Variants in KIF13A observed in about 807,000 individuals in gnomAD.
KIF13A encodes the protein kinesin family member 13A, also known as kinesin-like protein KIF13A.
A neutral mutation model predicts 212.2 loss-of-function variants in KIF13A; 79 were observed. The observed-to-expected ratio is 0.37, with a 90% CI of 0.31 to 0.45. The LOEUF is 0.45. Ranked by LOEUF, KIF13A falls within the 20% of genes least tolerant of loss-of-function variation. The pLI, the probability that KIF13A is intolerant of heterozygous loss-of-function variation, is 1.00. For missense variants in KIF13A, 1,901 were observed against 2,209.0 expected (o/e 0.86, Z 2.79); for synonymous variants, 789 against 808.6 (o/e 0.98, Z 0.41).
chr6:17,776,579 T>C lies in KIF13A; in HGVS notation c.4170+698A>G, dbSNP rs1410049857. Among the ~76,000 whole-genome samples the C allele has an allele frequency of 6.6e-6, 1 of 152,248 alleles. No homozygotes were observed. The highest frequency in any genetic ancestry group is 1.5e-5 in the Non-Finnish European group (1 of 68,044). ...CTGGGATTTGCTCTGTAGCCCACTG[T>C]AGGACAATTTTTGTAAGTGGCCACC... On this transcript the variant is annotated intron_variant, in intron 34 of 38. Transcript: ENST00000259711. The surrounding 1 kb of genome is among the most constrained non-coding windows in gnomAD (Gnocchi z 4.6).
rs374925875 is a variant in KIF13A, at chr6:17,800,096, G to A, written c.2472C>T (p.His824=). The A allele has an allele frequency of 6.8e-5, 109 of 1,613,644 alleles. No homozygotes were observed. In the African/African-American group the frequency reaches 1.3e-3, roughly 19 times the overall value. Residue 824 remains histidine (H), a synonymous_variant, in exon 21 of 39, where the codon CAC becomes CAT. Transcript: ENST00000259711. The part of the protein sequence containing the change: ...SQQGEVAGRL[H]VEVMRVTGAV... ...CTCCTGTAACACGCATCACTTCCAC[G>A]TGGAGACGCCCTGCAACCTGGGTCA...
chr6:17,836,297 T>C (rs529575827), intron 11 of KIF13A, among the ~76,000 whole-genome samples: 20 of 152,288 alleles, frequency 1.3e-4, no homozygotes, highest in Middle Eastern at 3.4e-3. Flanking sequence ...TCTCTGAAAA[T>C]TGCAAGGCCC....
At chr6:17,911,735 C>A (rs1774081519) in intron 2 of KIF13A, among the ~76,000 whole-genome samples, 1 of 146,800 alleles carries the variant, frequency 6.8e-6, no homozygotes. Flanking sequence ...CCTACTATTT[C>A]ATAGCACAGC....
At position 17,828,547 on chromosome 6, in the gene KIF13A, A is replaced by G. The variant is rs2150368738; in HGVS notation, c.1402-177T>C. The stretch of plus-strand genomic sequence containing the variant: ...AAAACGCTTACCCTTAATACACCAA[A>G]TTAAAAAAAAATGTTTAAACACTAC... On this transcript the variant is annotated intron_variant, in intron 13 of 38. Coordinates refer to ENST00000259711, the MANE Select transcript of KIF13A (RefSeq NM_022113.6). This position sits in a 1 kb window ranked among gnomAD's most constrained non-coding sequence, Gnocchi z 4.3. Among the ~76,000 whole-genome samples, 1 of 151,370 alleles carries G rather than the reference A, an allele frequency of 6.6e-6. No homozygotes were observed. The highest frequency in any genetic ancestry group is 1.9e-4 in the East Asian group (1 of 5,188).
chr6:17,869,395 C>G (rs1023184578), intron 4 of KIF13A, among the ~76,000 whole-genome samples: 3 of 152,152 alleles, frequency 2.0e-5, no homozygotes, highest in Non-Finnish European at 4.4e-5. Flanking sequence ...CTCCCTAAGT[C>G]GCCAGGTACT....
In KIF13A at chr6:17,987,267, G is replaced by A. The variant is rs1008175412; in HGVS notation, c.56-123C>T. On this transcript the variant is annotated intron_variant, in intron 1 of 38. Transcript: ENST00000259711. This position sits in a 1 kb window ranked among gnomAD's most constrained non-coding sequence, Gnocchi z 7.7. ...CGGCCGAGCCTGGAGACGGCGCCCC[G>A]GGCACCACGGCCAGCGCGGACGCCG... 2 of 855,264 alleles carry A rather than the reference G, an allele frequency of 2.3e-6. No individual in the cohort carries two copies. Among genetic ancestry groups the A allele is most frequent in the Admixed American group, 9.7e-5 (2 of 20,674 alleles). 53.0% of individuals were successfully genotyped at this position (855,264 alleles called of 1,614,324 possible).
intron 30 of KIF13A, 43 bp from the exon 31 acceptor site, chr6:17,780,949 G>A (rs780816139): frequency 1.1e-5 from 17 of 1,562,928 alleles, no homozygotes; most frequent in Non-Finnish European, 1.5e-5. Flanking sequence ...CAAGACAAAA[G>A]TCAGATGTAG....
intron 2 of KIF13A, among the ~76,000 whole-genome samples, chr6:17,927,423 T>C (rs1300399702): frequency 6.6e-6 from 1 of 152,212 alleles, no homozygotes; most frequent in Admixed American, 6.5e-5. Context: ...ATAAACACTG[T>C]ATGATTCTAC....
chr6:17,795,423 A>G (rs1031202287), intron 23 of KIF13A, among the ~76,000 whole-genome samples: 1 of 150,330 alleles, frequency 6.7e-6, no homozygotes, highest in Non-Finnish European at 1.5e-5. Context: ...TCTCTACCAA[A>G]AATACAAAAA....
chr6:17,911,150 T>C (rs1774027009), intron 2 of KIF13A, among the ~76,000 whole-genome samples: 1 of 152,244 alleles, frequency 6.6e-6, no homozygotes, highest in Non-Finnish European at 1.5e-5. Context: ...TTTATAAATA[T>C]AATACAATGA....
chr6:17,802,203 T>C (rs1762519719), intron 20 of KIF13A, among the ~76,000 whole-genome samples: 1 of 152,110 alleles, frequency 6.6e-6, no homozygotes, highest in East Asian at 1.9e-4. Context: ...AATTACTCGA[T>C]GATATCTGAG....
Position 17,809,030 on chromosome 6 carries a change from G to T in KIF13A, c.2001-100C>A, listed in dbSNP as rs576613609. 1 of 1,116,284 alleles carries T rather than the reference G, an allele frequency of 9.0e-7. No individual in the cohort carries two copies. Among genetic ancestry groups the T allele is most frequent in the East Asian group, 2.7e-5 (1 of 37,050 alleles). 69.1% of individuals were successfully genotyped at this position (1,116,284 alleles called of 1,614,324 possible). ...TAGAAAATGGGAGAAAACTCCTCTC[G>T]GGCAGTATTTTTCAAACTATTTTAC... On this transcript the variant is annotated intron_variant, in intron 17 of 38. Transcript: ENST00000259711. The surrounding 1 kb of genome is among the most constrained non-coding windows in gnomAD (Gnocchi z 4.7).
At chr6:17,974,000 G>A (rs1407142336) in intron 2 of KIF13A, among the ~76,000 whole-genome samples, 1 of 152,220 alleles carries the variant, frequency 6.6e-6, no homozygotes, top group Non-Finnish European at 1.5e-5. Flanking sequence ...CCCCTCTAAT[G>A]TAATTCAAGT....
chr6:17,814,391 G>A (rs942914446), intron 17 of KIF13A, among the ~76,000 whole-genome samples: 1 of 151,534 alleles, frequency 6.6e-6, no homozygotes, highest in African/African-American at 2.4e-5. Flanking sequence ...TGGGATTATA[G>A]GTGCCCACGA....
At position 17,850,402 on chromosome 6, in the gene KIF13A, T is replaced by C. The variant is rs774636318; in HGVS notation, c.638A>G (p.Asn213Ser). The change falls in exon 8 of 39, where the codon AAC becomes AGC. Residue 213 changes from asparagine (N) to serine (S), a missense_variant. By Grantham distance (46) the Asn-to-Ser change is conservative. Around this residue, in one of 5 missense-constraint regions of KIF13A, gnomAD observed 506 missense variants for 637.4 expected, o/e 0.79. Coordinates refer to ENST00000259711, the MANE Select transcript of KIF13A (RefSeq NM_022113.6). This position sits in a 1 kb window ranked among gnomAD's most constrained non-coding sequence, Gnocchi z 6.2. Reference protein sequence around the residue: ...GNKSRTVAATNMNEESSRSHA... With the variant: ...GNKSRTVAATSMNEESSRSHA... ...GGAGCGGCTGCTTTCTTCGTTCATGTTGGTAGCAGCTACCGTTCGAGACTT... is the reference window on the plus strand; with the variant it reads ...GGAGCGGCTGCTTTCTTCGTTCATGCTGGTAGCAGCTACCGTTCGAGACTT... 5 of 1,613,938 alleles carry C rather than the reference T, an allele frequency of 3.1e-6. No individual in the cohort carries two copies. The highest frequency in any genetic ancestry group is 4.2e-6 in the Non-Finnish European group (5 of 1,179,846).
chr6:17,804,415 G>A lies in KIF13A; in HGVS notation c.2400C>T (p.Leu800=), dbSNP rs1237533243. 6.4e-7 allele frequency: 1 copy of A among 1,560,552 alleles called. No individual in the cohort carries two copies. Among genetic ancestry groups the A allele is most frequent in the Non-Finnish European group, 8.7e-7 (1 of 1,151,536 alleles). Residue 800 remains leucine (L), a synonymous_variant, in exon 20 of 39, where the codon CTC becomes CTT. Coordinates refer to ENST00000259711, the MANE Select transcript of KIF13A (RefSeq NM_022113.6). ...CATACTGAAGTTTCACATCACAGAA[G>A]AGGCATTCCAAGAATACATTCGCCA... ...IGVANVFLEC[L]FCDVKLQYAV... is the part of the protein sequence containing the mutation.
rs2150432855 is a variant in KIF13A at position 17,871,454 on chromosome 6, T to C, written c.220+1923A>G. ...GTTTAAATATTATCTCAAAATGTTA[T>C]TTGGTATGCATTTCTTTTGCTTTCT... On this transcript the variant is annotated intron_variant, in intron 4 of 38. Coordinates refer to ENST00000259711, the MANE Select transcript of KIF13A (RefSeq NM_022113.6). This position sits in a 1 kb window ranked among gnomAD's most constrained non-coding sequence, Gnocchi z 4.4. 6.6e-6 allele frequency among the ~76,000 whole-genome samples: 1 copy of C among 152,334 alleles called. No homozygotes were observed. The highest frequency in any genetic ancestry group is 1.5e-5 in the Non-Finnish European group (1 of 68,030).
chr6:17,806,087 TTTTTA>T (rs1395861978), intron 18 of KIF13A, among the ~76,000 whole-genome samples: 2 of 151,940 alleles, frequency 1.3e-5, no homozygotes, highest in Admixed American at 6.6e-5. Context: ...GACTGACTAT[TTTTTA>T]TTTTATTTTT....
At chr6:17,978,740 T>A (rs1325143824) in intron 2 of KIF13A, among the ~76,000 whole-genome samples, 1 of 152,224 alleles carries the variant, frequency 6.6e-6, no homozygotes, top group Non-Finnish European at 1.5e-5. Context: ...GGGAAACTTG[T>A]TCCTGTAAAT....
Sources: allele counts gnomAD v4.1 joint callset (sites outside exome capture counted in the v4.1 genomes callset), GRCh38; gene constraint gnomAD v4.1.1; regional missense constraint gnomAD v4.1.1; non-coding constraint Gnocchi (gnomAD v3.1); transcripts MANE v1.5; gene names NCBI Gene and HGNC (gene_info 2026-07-23, HGNC 2026-07-21).